PARPBP: variants seen among roughly 807,000 people sequenced by gnomAD.
The protein encoded by PARPBP is PCNA-interacting partner.
Under a neutral mutation model 50.0 loss-of-function variants are expected in PARPBP, and 52 were observed. The observed-to-expected ratio is 1.04, with a 90% CI of 0.83 to 1.31. The LOEUF (loss-of-function observed/expected upper bound fraction) is 1.31. Among genes scored for constraint, PARPBP ranks in the 50% most tolerant of loss-of-function variants. PARPBP has a pLI of 0.00. For missense variants in PARPBP, 697 were observed against 672.0 expected, an observed-to-expected ratio of 1.04 and a Z score of -0.41; for synonymous variants, 244 against 232.1, an observed-to-expected ratio of 1.05 and a Z score of -0.47.
chr12:102,165,998 G>A (rs1443245891), intron 6 of PARPBP, 115 bp downstream of exon 6: 24 of 645,056 alleles, frequency 3.7e-5, no homozygotes, highest in Non-Finnish European at 5.0e-5. Context: ...ACGGTGAGGC[G>A]AAGAAACAAA....
At chr12:102,195,033 C>T (rs1282993605) in intron 9 of PARPBP, among the ~76,000 whole-genome samples, 2 of 150,510 alleles carry the variant, frequency 1.3e-5, no homozygotes, top group Admixed American at 6.6e-5. Flanking sequence ...CAAAGCCCTG[C>T]GAAGAGTCTA....
chr12:102,137,662 A>G (rs1282289917), intron 2 of PARPBP, among the ~76,000 whole-genome samples: 1 of 132,184 alleles, frequency 7.6e-6, no homozygotes, highest in Non-Finnish European at 1.6e-5. Context: ...CGCTCCCCCC[A>G]CCCCACGACA....
At chr12:102,180,607 G>C (rs1889732092) in intron 8 of PARPBP, among the ~76,000 whole-genome samples, 1 of 152,138 alleles carries the variant, frequency 6.6e-6, no homozygotes, top group African/African-American at 2.4e-5. Context: ...GGAGCCTGAG[G>C]TGGTGCATGC....
At chr12:102,147,480 A>G (rs1187993997) in intron 2 of PARPBP, among the ~76,000 whole-genome samples, 9 of 149,200 alleles carry the variant, frequency 6.0e-5, no homozygotes, top group South Asian at 2.1e-4. Flanking sequence ...AAAACCAAAC[A>G]CCGCATGTTC....
In PARPBP at chr12:102,175,507, A is replaced by G. The variant is rs1594597541; in HGVS notation, c.846A>G (p.Ser282=). The change falls in exon 7 of 11, where the codon TCA becomes TCG. Residue 282 remains serine, a synonymous_variant. Coordinates refer to ENST00000327680, the MANE Select transcript of PARPBP (RefSeq NM_017915.5). ...GCATTGCAGGGGGTCAAATACTGTC[A>G]GTGATAAAGATGCAACTGATTAAAG... ...NPSIAGGQIL[S]VIKMQLIKGQ... is the part of the protein sequence containing the mutation. 1.2e-5 allele frequency: 19 copies of G among 1,613,384 alleles called. No homozygotes were observed. The East Asian group carries it at 4.2e-4, about 36-fold the overall frequency.
At chr12:102,190,059 T>A (rs1890655139) in intron 9 of PARPBP, among the ~76,000 whole-genome samples, 1 of 152,180 alleles carries the variant, frequency 6.6e-6, no homozygotes, top group Non-Finnish European at 1.5e-5. Context: ...GATGTAGTTG[T>A]TCTTTTCAAG....
Position 102,196,256 on chromosome 12 carries a change from G to A in PARPBP, c.1705G>A (p.Gly569Ser), listed in dbSNP as rs771805423. The part of the protein sequence containing the change: ...KCTAKDKLIS[G>S]QAKLTQFFRL ...TACTGCCAAGGACAAGTTGATTTCT[G>A]GCCAGGCAAAGTTAACTCAGTTTTT... The change falls in exon 11 of 11, where the codon GGC (glycine) becomes AGC (serine). Residue 569 changes from glycine to serine, a missense_variant. By Grantham distance (56) the Gly-to-Ser change is moderately conservative. Transcript: ENST00000327680. 8.8e-6 allele frequency: 14 copies of A among 1,597,308 alleles called. No homozygotes were observed. Among genetic ancestry groups the A allele is most frequent in the Non-Finnish European group, 1.0e-5 (12 of 1,174,022 alleles).
intron 2 of PARPBP, 40 bp from the exon 3 acceptor site, chr12:102,148,190 C>T (rs1885668213): frequency 6.0e-6 from 5 of 829,964 alleles, no homozygotes; most frequent in South Asian, 3.6e-5. Context: ...ATTCTGGTAC[C>T]CAACTTTATT....
chr12:102,123,806 C>A (rs1048069185), intron 1 of PARPBP, 80 bp from the exon 2 acceptor site: 40 of 841,816 alleles, frequency 4.8e-5, no homozygotes, highest in Non-Finnish European at 6.5e-5. Flanking sequence ...TTTTCTCTAT[C>A]TGTGCTTGCC....
chr12:102,187,909 A>G (rs750794878), intron 9 of PARPBP, among the ~76,000 whole-genome samples: 16 of 152,306 alleles, frequency 1.1e-4, no homozygotes, highest in Non-Finnish European at 4.4e-5. Flanking sequence ...TAATCAAAGA[A>G]TTTTTAAAAA....
At chr12:102,120,668 A>G (rs1253744037) in intron 1 of PARPBP, among the ~76,000 whole-genome samples, 1 of 152,126 alleles carries the variant, frequency 6.6e-6, no homozygotes, top group Non-Finnish European at 1.5e-5. Flanking sequence ...TGGGACTTGC[A>G]CTCGAACACT....
Position 102,148,463 on chromosome 12 carries a change from TGTAA to T in PARPBP, c.387+4_387+7del, listed in dbSNP as rs1206650824. 2 of 1,156,768 alleles carry T rather than the reference TGTAA, an allele frequency of 1.7e-6. No homozygotes were observed. The highest frequency in any genetic ancestry group is 2.5e-6 in the Non-Finnish European group (2 of 793,400). The allele number at this position is 1,156,768 out of a possible 1,614,324, so 71.7% of individuals were successfully genotyped here. On this transcript the variant is annotated splice_donor_variant and splice_donor_region_variant and intron_variant, in intron 3 of 10. Coordinates refer to ENST00000327680, the MANE Select transcript of PARPBP (RefSeq NM_017915.5). LOFTEE classifies it high-confidence loss of function. ...GTGAAAATTATAACACAGTATCTCC[TGTAA>T]GTATTTTTTAAACAATTCTATTTTA... is the stretch of plus-strand genomic sequence containing the variant.
At chr12:102,176,441 C>G (rs1481698050) in intron 7 of PARPBP, among the ~76,000 whole-genome samples, 2 of 152,168 alleles carry the variant, frequency 1.3e-5, no homozygotes, top group Non-Finnish European at 2.9e-5. Context: ...TTATAAATCT[C>G]TGTCTCTTGT....
Position 102,171,148 on chromosome 12 carries a change from CT to C in PARPBP, c.822-4322del, listed in dbSNP as rs113616417. On this transcript the variant is annotated intron_variant, in intron 6 of 10. Coordinates refer to ENST00000327680, the MANE Select transcript of PARPBP (RefSeq NM_017915.5). ...CTGCCTGAGACTATTTCAGTTAGTGCTTTTTTTTTTTTTAAATAAGTAGAAG... is the reference window on the plus strand; with the variant it reads ...CTGCCTGAGACTATTTCAGTTAGTGCTTTTTTTTTTTTAAATAAGTAGAAG... Among the ~76,000 whole-genome samples the C allele has an allele frequency of 6.4e-3, 898 of 140,022 alleles. 3 individuals are homozygous for C. The highest frequency in any genetic ancestry group is 0.011 in the African/African-American group (415 of 38,352). The allele number at this position is 140,022 out of a possible 152,430, so 91.9% of individuals were successfully genotyped here. A position where few individuals can be genotyped will look rare whatever the true frequency, so the allele number is the denominator to read the frequency against.
intron 9 of PARPBP, among the ~76,000 whole-genome samples, chr12:102,185,529 G>C (rs973286711): frequency 6.6e-6 from 1 of 152,200 alleles, no homozygotes; most frequent in Non-Finnish European, 1.5e-5. Flanking sequence ...TGTCCTTGTA[G>C]AATGAGTTTG....
chr12:102,170,421 A>G (rs993015798), intron 6 of PARPBP, among the ~76,000 whole-genome samples: 8 of 152,230 alleles, frequency 5.3e-5, no homozygotes, highest in Non-Finnish European at 1.0e-4. Flanking sequence ...CTGCTAGGCT[A>G]CAAACCTGTA....
At chr12:102,185,732 C>G (rs1008497450) in intron 9 of PARPBP, among the ~76,000 whole-genome samples, 1 of 152,010 alleles carries the variant, frequency 6.6e-6, no homozygotes, top group Non-Finnish European at 1.5e-5. Context: ...GATCTCGGCT[C>G]ACTGTAACCT....
At chr12:102,125,251 A>G (rs1021887080) in intron 2 of PARPBP, among the ~76,000 whole-genome samples, 1 of 152,246 alleles carries the variant, frequency 6.6e-6, no homozygotes, top group Non-Finnish European at 1.5e-5. Context: ...AGAGATAGCT[A>G]GTACTGTAAG....
intron 8 of PARPBP, among the ~76,000 whole-genome samples, chr12:102,179,554 A>G (rs990358739): frequency 6.6e-6 from 1 of 152,170 alleles, no homozygotes; most frequent in African/African-American, 2.4e-5. Context: ...GTGTGGTCAC[A>G]TGTCCTTTCC....
Sources: allele counts gnomAD v4.1 joint callset (sites outside exome capture counted in the v4.1 genomes callset), GRCh38; gene constraint gnomAD v4.1.1; transcripts MANE v1.5; gene names NCBI Gene and HGNC (gene_info 2026-07-23, HGNC 2026-07-21).